Variants in MAP3K7CL observed in about 807,000 individuals in gnomAD.
The protein encoded by MAP3K7CL is MAP3K7 C-terminal like, also known as MAP3K7 C-terminal-like protein.
MAP3K7CL carries 16 observed loss-of-function variants against 18.6 expected under a neutral mutation model. The observed-to-expected ratio is 0.86, with a 90% confidence interval of 0.58 to 1.31. The LOEUF (loss-of-function observed/expected upper bound fraction) is 1.31, where lower values mean the gene tolerates loss of function less well. Among genes scored for constraint, MAP3K7CL ranks in the 50% most tolerant of loss-of-function variants. The probability of loss-of-function intolerance (pLI) is 0.00; values close to 1 mark genes in which losing one functional copy is unlikely to be tolerated. For synonymous variants in MAP3K7CL, 65 were observed against 66.8 expected (o/e 0.97, Z 0.13); for missense variants, 163 against 174.4 (o/e 0.93, Z 0.37).
intron 4 of MAP3K7CL, among the ~76,000 whole-genome samples, chr21:29,094,007 A>C (rs2086076741): frequency 6.6e-6 from 1 of 152,226 alleles, no homozygotes; most frequent in South Asian, 2.1e-4. Context: ...TCACATTGTC[A>C]TGTATCTGTG....
chr21:29,170,128 C>T (rs2087788740), intron 4 of MAP3K7CL, among the ~76,000 whole-genome samples: 1 of 152,036 alleles, frequency 6.6e-6, no homozygotes, highest in African/African-American at 2.4e-5. Flanking sequence ...GCTTGATGTG[C>T]CAAGGTTTAA....
At chr21:29,150,410 G>T (rs944489559) in intron 3 of MAP3K7CL, among the ~76,000 whole-genome samples, 16 of 152,194 alleles carry the variant, frequency 1.1e-4, no homozygotes, top group Non-Finnish European at 1.5e-5. Flanking sequence ...TGATCTGGCC[G>T]CTTGGAGGAG....
intron 2 of MAP3K7CL, among the ~76,000 whole-genome samples, chr21:29,141,879 T>C (rs1244815861): frequency 6.6e-6 from 1 of 152,182 alleles, no homozygotes; most frequent in African/African-American, 2.4e-5. Flanking sequence ...AACAAGGACT[T>C]GGGTATCTAG....
chr21:29,139,322 A>G (rs989291763), intron 2 of MAP3K7CL: 2 of 152,242 alleles, frequency 1.3e-5, no homozygotes, highest in African/African-American at 4.8e-5. Context: ...AAGAGAAGGA[A>G]CAAAGAAATC....
At chr21:29,149,113 C>T in intron 2 of MAP3K7CL, 76 bp from the exon 3 acceptor site, 7 of 1,175,122 alleles carry the variant, frequency 6.0e-6, no homozygotes, top group Non-Finnish European at 9.0e-6. Flanking sequence ...TACTGATGGT[C>T]TAACTCTGGG....
At chr21:29,094,248 G>A (rs568328676) in intron 4 of MAP3K7CL, among the ~76,000 whole-genome samples, 4 of 152,288 alleles carry the variant, frequency 2.6e-5, no homozygotes, top group African/African-American at 9.6e-5. Context: ...ACAGCTTCCC[G>A]CAACAACAAT....
chr21:29,136,393 G>T lies in MAP3K7CL; in HGVS notation c.70+2979G>T, dbSNP rs150554406. Among the ~76,000 whole-genome samples the T allele has an allele frequency of 4.7e-3, 723 of 152,274 alleles. 7 individuals carry two copies. Among genetic ancestry groups the T allele is most frequent in the African/African-American group, 0.016 (675 of 41,544 alleles). On this transcript the variant is annotated intron_variant, in intron 2 of 4. Transcript: ENST00000399928. ...CCCCCTAGACTTTCATAGTAAATGAGGGCACTAATGTGGACTTTTTGGGAG... is the reference window on the plus strand; with the variant it reads ...CCCCCTAGACTTTCATAGTAAATGATGGCACTAATGTGGACTTTTTGGGAG...
intron 4 of MAP3K7CL, among the ~76,000 whole-genome samples, chr21:29,170,530 C>T (rs902375552): frequency 2.0e-5 from 3 of 152,090 alleles, no homozygotes; most frequent in African/African-American, 7.2e-5. Context: ...AAGTAAAGTC[C>T]ACCTAAATCA....
chr21:29,135,878 T>C (rs898149747), intron 2 of MAP3K7CL, among the ~76,000 whole-genome samples: 8 of 152,110 alleles, frequency 5.3e-5, no homozygotes, highest in Admixed American at 1.3e-4. Context: ...ATGAAAAAAC[T>C]CCCCAAATTA....
chr21:29,088,342 T>G (rs923767271), intron 1 of MAP3K7CL, among the ~76,000 whole-genome samples: 2 of 152,206 alleles, frequency 1.3e-5, no homozygotes, highest in African/African-American at 4.8e-5. Flanking sequence ...TTCCTGCAAG[T>G]GTTTATTTTA....
chr21:29,078,350 C>T (rs1457909158), intron 1 of MAP3K7CL, among the ~76,000 whole-genome samples: 1 of 151,800 alleles, frequency 6.6e-6, no homozygotes, highest in Non-Finnish European at 1.5e-5. Flanking sequence ...ATTTTTTTCT[C>T]TTTTAATCGA....
intron 3 of MAP3K7CL, among the ~76,000 whole-genome samples, chr21:29,153,415 C>A (rs971664665): frequency 2.0e-5 from 3 of 152,096 alleles, no homozygotes; most frequent in Admixed American, 2.0e-4. Context: ...ATTCTATGTC[C>A]ATTTCTAAGA....
At chr21:29,113,421 G>A (rs1168445175) in intron 4 of MAP3K7CL, among the ~76,000 whole-genome samples, 1 of 152,104 alleles carries the variant, frequency 6.6e-6, no homozygotes, top group Non-Finnish European at 1.5e-5. Flanking sequence ...TCTCCCAGAG[G>A]CCTTCCCCCA....
chr21:29,083,742 T>C (rs2085875587), upstream of MAP3K7CL, among the ~76,000 whole-genome samples: 1 of 152,152 alleles, frequency 6.6e-6, no homozygotes, highest in East Asian at 1.9e-4. Flanking sequence ...GTTCTTTCTT[T>C]TTTGCTCAGA....
intron 4 of MAP3K7CL, among the ~76,000 whole-genome samples, chr21:29,095,027 C>T (rs1397094703): frequency 6.8e-6 from 1 of 146,544 alleles, no homozygotes; most frequent in African/African-American, 2.6e-5. Flanking sequence ...CACTGCACTC[C>T]AGCCTGGGTG....
chr21:29,132,291 G>T (rs78662810), intron 1 of MAP3K7CL, among the ~76,000 whole-genome samples: 2 of 125,572 alleles, frequency 1.6e-5, no homozygotes, highest in African/African-American at 7.6e-5. Context: ...TCTGCAGGAT[G>T]TTTTTTTTCC....
In MAP3K7CL at chr21:29,133,362, G is replaced by C. The variant is rs952702194; in HGVS notation, c.18G>C (p.Arg6Ser). The change falls in exon 2 of 5, where the codon AGG (arginine) becomes AGC (serine). Residue 6 changes from arginine to serine, a missense_variant. Transcript: ENST00000399928. ...GTGCCCACATGATCAGCACAGCCAG[G>C]GTACCTGCTGACAAGCCTGTACGCA... MISTA[R>S]VPADKPVRIA... 4 of 1,550,290 alleles carry C rather than the reference G, an allele frequency of 2.6e-6. No homozygotes were observed. Among genetic ancestry groups the C allele is most frequent in the African/African-American group, 2.7e-5 (2 of 73,032 alleles).
chr21:29,081,680 T>A (rs1427410937), upstream of MAP3K7CL, among the ~76,000 whole-genome samples: 1 of 152,274 alleles, frequency 6.6e-6, no homozygotes, highest in Admixed American at 6.5e-5. Flanking sequence ...TTTCTTTTAT[T>A]ATGAATTCAT....
At chr21:29,082,610 G>A (rs2146473155), upstream of MAP3K7CL, among the ~76,000 whole-genome samples, 1 of 152,302 alleles carries the variant, frequency 6.6e-6, no homozygotes, top group African/African-American at 2.4e-5. Flanking sequence ...GCAGCAATGT[G>A]TAAGCACCTT....
Sources: allele counts gnomAD v4.1 joint callset (sites outside exome capture counted in the v4.1 genomes callset), GRCh38; gene constraint gnomAD v4.1.1; transcripts MANE v1.5; gene names NCBI Gene and HGNC (gene_info 2026-07-23, HGNC 2026-07-21).